The following CRPPA variants were observed in gnomAD, a reference collection of about 807,000 sequenced individuals.
CRPPA encodes the protein CDP-L-ribitol pyrophosphorylase A, also known as D-ribitol-5-phosphate cytidylyltransferase.
In CRPPA, 43 loss-of-function variants were observed where a neutral mutation model predicts 52.0. The ratio of observed to expected loss-of-function variants is 0.83; its 90% CI spans 0.65 to 1.07. The LOEUF is 1.07. CRPPA is among the 50% of genes least tolerant of loss of function. CRPPA has a pLI of 0.00. For missense variants in CRPPA, 629 were observed against 551.7 expected (o/e 1.14, Z -1.40); for synonymous variants, 250 against 203.5 (o/e 1.23, Z -1.94).
At chr7:16,292,323 G>T (rs1442162056) in intron 5 of CRPPA, among the ~76,000 whole-genome samples, 1 of 151,904 alleles carries the variant, frequency 6.6e-6, no homozygotes, top group South Asian at 2.1e-4. Context: ...CTTCTCAGGA[G>T]GTCAGTTGTC....
intron 3 of CRPPA, among the ~76,000 whole-genome samples, chr7:16,356,449 A>G (rs1391329573): frequency 6.6e-6 from 1 of 152,182 alleles, no homozygotes; most frequent in Non-Finnish European, 1.5e-5. Context: ...TCCTCTTTTT[A>G]AACACAGGCT....
chr7:16,298,068 T>A (rs1301162901), intron 5 of CRPPA, among the ~76,000 whole-genome samples: 2 of 152,162 alleles, frequency 1.3e-5, no homozygotes, highest in Non-Finnish European at 2.9e-5. Context: ...ATCCAAGAGT[T>A]CTCTCTTTCC....
chr7:16,318,636 A>G (rs1335346057), intron 3 of CRPPA, among the ~76,000 whole-genome samples: 1 of 152,088 alleles, frequency 6.6e-6, no homozygotes, highest in Non-Finnish European at 1.5e-5. Context: ...CCTTGGGTTT[A>G]CTCTGCAGCT....
intron 8 of CRPPA, among the ~76,000 whole-genome samples, chr7:16,223,492 C>T (rs1281061000): frequency 6.6e-6 from 1 of 152,254 alleles, no homozygotes; most frequent in Admixed American, 6.5e-5. Flanking sequence ...AGATGCATCT[C>T]AAAATTCTCT....
intron 9 of CRPPA, among the ~76,000 whole-genome samples, chr7:16,127,430 A>T (rs930493372): frequency 1.3e-5 from 2 of 152,058 alleles, no homozygotes; most frequent in African/African-American, 4.8e-5. Flanking sequence ...AAACATAAAA[A>T]GGTATAAAAT....
chr7:16,378,016 G>C (rs1786944931), intron 2 of CRPPA, among the ~76,000 whole-genome samples: 1 of 152,084 alleles, frequency 6.6e-6, no homozygotes, highest in South Asian at 2.1e-4. Context: ...AGATCACAGA[G>C]TAGGGAGTTT....
chr7:16,135,137 G>A (rs1230045225), intron 9 of CRPPA, among the ~76,000 whole-genome samples: 2 of 152,166 alleles, frequency 1.3e-5, no homozygotes, highest in African/African-American at 4.8e-5. Flanking sequence ...TGAAGATCAT[G>A]TTTACATCAA....
chr7:16,363,559 A>C (rs1022973337), intron 3 of CRPPA, among the ~76,000 whole-genome samples: 2 of 152,156 alleles, frequency 1.3e-5, no homozygotes, highest in African/African-American at 4.8e-5. Flanking sequence ...TTTTTTAGAG[A>C]AATAAGCCTT....
At chr7:16,369,434 C>G (rs1158558134) in intron 3 of CRPPA, among the ~76,000 whole-genome samples, 4 of 152,200 alleles carry the variant, frequency 2.6e-5, no homozygotes, top group East Asian at 1.9e-4. Context: ...CAGGCAGGCC[C>G]AGGCCTGGTT....
At chr7:16,140,497 A>G (rs762824177) in intron 9 of CRPPA, among the ~76,000 whole-genome samples, 3 of 152,206 alleles carry the variant, frequency 2.0e-5, no homozygotes, top group Non-Finnish European at 2.9e-5. Context: ...GTATGGCGGT[A>G]TATGCTTTAG....
In CRPPA at chr7:16,398,791, C is replaced by A. The variant is rs115550275; in HGVS notation, c.534+7270G>T. 2.0e-3 allele frequency among the ~76,000 whole-genome samples: 300 copies of A among 152,302 alleles called. 6 individuals carry two copies. The East Asian group carries it at 0.043, about 22-fold the overall frequency. ...ATACGTGACTGACACTTGACTGACA[C>A]GTGATTAACATGATTGAAACGTGAC... On this transcript the variant is annotated intron_variant, in intron 2 of 9. Transcript: ENST00000407010.
At chr7:16,313,670 T>C (rs1785084927) in intron 3 of CRPPA, among the ~76,000 whole-genome samples, 1 of 151,988 alleles carries the variant, frequency 6.6e-6, no homozygotes, top group Non-Finnish European at 1.5e-5. Context: ...ATGCTATCGT[T>C]TTTCCTGTAA....
chr7:16,152,462 C>T (rs552571651), intron 9 of CRPPA, among the ~76,000 whole-genome samples: 158 of 152,032 alleles, frequency 1.0e-3, no homozygotes, highest in African/African-American at 3.3e-3. Context: ...TTCTGTTGGA[C>T]GAATACTTAA....
intron 9 of CRPPA, among the ~76,000 whole-genome samples, chr7:16,170,849 C>T (rs537209409): frequency 2.3e-4 from 35 of 152,330 alleles, no homozygotes; most frequent in African/African-American, 5.5e-4. Flanking sequence ...TGCGCAGCGC[C>T]GGCAGCCGCT....
At chr7:16,137,000 C>A (rs1363099331) in intron 9 of CRPPA, among the ~76,000 whole-genome samples, 1 of 152,192 alleles carries the variant, frequency 6.6e-6, no homozygotes, top group Non-Finnish European at 1.5e-5. Context: ...GAAAGTAGAA[C>A]TGAGATGCTC....
At chr7:16,168,371 T>C (rs567560579) in intron 9 of CRPPA, among the ~76,000 whole-genome samples, 2 of 152,254 alleles carry the variant, frequency 1.3e-5, no homozygotes, top group African/African-American at 4.8e-5. Context: ...GAATCCTTTA[T>C]ACACAAACCA....
intron 8 of CRPPA, among the ~76,000 whole-genome samples, chr7:16,223,610 A>G (rs1030250772): frequency 4.6e-5 from 7 of 152,172 alleles, no homozygotes; most frequent in African/African-American, 1.7e-4. Context: ...TAGTGCTACT[A>G]AGTTTGAACT....
intron 9 of CRPPA, among the ~76,000 whole-genome samples, chr7:16,116,967 C>T (rs1782388139): frequency 6.6e-6 from 1 of 152,102 alleles, no homozygotes; most frequent in Non-Finnish European, 1.5e-5. Flanking sequence ...ACCATGTTTT[C>T]CTGTTTGTTG....
chr7:16,094,779 T>C (rs922105941), intron 9 of CRPPA, among the ~76,000 whole-genome samples: 2 of 152,098 alleles, frequency 1.3e-5, no homozygotes, highest in Admixed American at 6.6e-5. Context: ...AGGCTAATCA[T>C]GAGGAAGACA....
Sources: allele counts gnomAD v4.1 joint callset (sites outside exome capture counted in the v4.1 genomes callset), GRCh38; gene constraint gnomAD v4.1.1; transcripts MANE v1.5; gene names NCBI Gene and HGNC (gene_info 2026-07-23, HGNC 2026-07-21).